RMDN2: variants seen among roughly 807,000 people sequenced by gnomAD.
RMDN2 encodes the protein regulator of microtubule dynamics protein 2.
Under a neutral mutation model 52.8 loss-of-function variants are expected in RMDN2, and 61 were observed. The ratio of observed to expected loss-of-function variants is 1.16; its 90% CI spans 0.94 to 1.43. The LOEUF is 1.43. Among genes scored for constraint, RMDN2 ranks in the 40% most tolerant of loss-of-function variants. The pLI, the probability that RMDN2 is intolerant of heterozygous loss-of-function variation, is 0.00. For synonymous variants in RMDN2, 180 were observed against 153.1 expected, an observed-to-expected ratio of 1.18 and a Z score of -1.30; for missense variants, 592 against 475.3, an observed-to-expected ratio of 1.25 and a Z score of -2.28.
chr2:38,016,768 G>GAAAA (rs1046841732), intron 10 of RMDN2, among the ~76,000 whole-genome samples: 1 of 151,554 alleles, frequency 6.6e-6, no homozygotes, highest in Non-Finnish European at 1.5e-5. Flanking sequence ...CCTTGATATG[G>GAAAA]AAAAAAAACT....
intron 10 of RMDN2, among the ~76,000 whole-genome samples, chr2:38,040,563 C>A (rs549751400): frequency 5.9e-5 from 9 of 152,312 alleles, no homozygotes; most frequent in East Asian, 5.8e-4. Context: ...GCCTCCAGAA[C>A]TGTAAACATA....
intron 1 of RMDN2, among the ~76,000 whole-genome samples, chr2:37,926,227 C>G (rs574272484): frequency 6.6e-6 from 1 of 152,184 alleles, no homozygotes; most frequent in East Asian, 1.9e-4. Context: ...TAATGAATAT[C>G]TGTGCTAGAT....
intron 2 of RMDN2, among the ~76,000 whole-genome samples, chr2:37,934,410 C>T (rs1667115855): frequency 6.6e-6 from 1 of 152,162 alleles, no homozygotes; most frequent in Admixed American, 6.5e-5. Context: ...GAACAATGCT[C>T]AAATTCTCAT....
intron 10 of RMDN2, among the ~76,000 whole-genome samples, chr2:38,009,989 T>C (rs930867481): frequency 3.3e-5 from 5 of 152,208 alleles, no homozygotes; most frequent in African/African-American, 1.2e-4. Flanking sequence ...CAGACCCTGT[T>C]TGCCTGGGTA....
intron 2 of RMDN2, among the ~76,000 whole-genome samples, chr2:37,936,279 T>G (rs1667280717): frequency 6.6e-6 from 1 of 152,246 alleles, no homozygotes; most frequent in Non-Finnish European, 1.5e-5. Context: ...GTGACACATT[T>G]TCTTTATCCA....
intron 10 of RMDN2, among the ~76,000 whole-genome samples, chr2:38,006,665 C>T (rs113611645): frequency 0.6 from 91,805 of 151,890 alleles, 29,866 homozygotes; most frequent in East Asian, 0.9. Context: ...GACAATTTGA[C>T]TTCCTCTTTT....
At chr2:38,052,284 G>C (rs1312673509) in intron 10 of RMDN2, among the ~76,000 whole-genome samples, 1 of 152,148 alleles carries the variant, frequency 6.6e-6, no homozygotes, top group African/African-American at 2.4e-5. Flanking sequence ...GTGATGTTGA[G>C]AATGTTTTCA....
intron 10 of RMDN2, chr2:38,036,868 G>A (rs1169153196): frequency 2.6e-5 from 4 of 152,238 alleles, no homozygotes; most frequent in Admixed American, 2.0e-4. Flanking sequence ...AAAGTAACTA[G>A]GCAAAAATCC....
chr2:38,041,283 G>A (rs1371891015), intron 10 of RMDN2, among the ~76,000 whole-genome samples: 1 of 152,024 alleles, frequency 6.6e-6, no homozygotes, highest in Non-Finnish European at 1.5e-5. Flanking sequence ...CTACTTCTTA[G>A]CATGTGTTCC....
At chr2:37,938,562 C>T (rs145252491) in intron 2 of RMDN2, among the ~76,000 whole-genome samples, 2 of 152,176 alleles carry the variant, frequency 1.3e-5, no homozygotes, top group Non-Finnish European at 2.9e-5. Flanking sequence ...AGTACTGCCT[C>T]AATTTCAGAA....
chr2:38,008,917 C>T (rs1469117010), intron 10 of RMDN2, among the ~76,000 whole-genome samples: 1 of 152,160 alleles, frequency 6.6e-6, no homozygotes, highest in Non-Finnish European at 1.5e-5. Flanking sequence ...CAAAATCTCT[C>T]AGCATTTGCT....
intron 2 of RMDN2, chr2:37,952,142 CTT>C: frequency 6.2e-7 from 1 of 1,613,120 alleles, no homozygotes; most frequent in Non-Finnish European, 8.5e-7. Flanking sequence ...AAGATGAAGA[CTT>C]TGCTGTCTTG....
intron 10 of RMDN2, among the ~76,000 whole-genome samples, chr2:38,053,349 T>C (rs931302021): frequency 6.6e-6 from 1 of 152,170 alleles, no homozygotes; most frequent in Non-Finnish European, 1.5e-5. Flanking sequence ...TGGTTAAAAC[T>C]TCCTGAGAAG....
chr2:38,031,682 A>G (rs60099854), intron 10 of RMDN2, among the ~76,000 whole-genome samples: 1 of 152,144 alleles, frequency 6.6e-6, no homozygotes, highest in Non-Finnish European at 1.5e-5. Context: ...AGTGACTATT[A>G]TCAACACCTG....
At position 37,966,341 on chromosome 2, in the gene RMDN2, C is replaced by G. The variant is rs141771693; in HGVS notation, c.453-7699C>G. On this transcript the variant is annotated intron_variant, in intron 2 of 10. Coordinates refer to ENST00000354545, the MANE Select transcript of RMDN2 (RefSeq NM_001170791.3). ...CTGAGGCAGGAGAATGGCATGAACC[C>G]AGGAGGCAGAACTTACAGTGAGCCG... Among the ~76,000 whole-genome samples the G allele has an allele frequency of 8.8e-3, 1,337 of 151,930 alleles. 23 individuals are homozygous for G. The highest frequency in any genetic ancestry group is 0.03 in the African/African-American group (1,253 of 41,420).
intron 5 of RMDN2, among the ~76,000 whole-genome samples, chr2:37,989,103 T>G (rs183388679): frequency 1.3e-5 from 2 of 152,274 alleles, no homozygotes; most frequent in East Asian, 3.9e-4. Context: ...AGGGAATGAA[T>G]TTTTTAAGTT....
intron 2 of RMDN2, among the ~76,000 whole-genome samples, chr2:37,956,813 C>A (rs184212369): frequency 3.0e-4 from 46 of 152,106 alleles, no homozygotes; most frequent in African/African-American, 8.9e-4. Context: ...CCTTGCTCCC[C>A]ACCCCCAACA....
At chr2:38,004,279 G>T in intron 10 of RMDN2, 63 bp downstream of exon 10, 1 of 1,069,488 alleles carries the variant, frequency 9.4e-7, no homozygotes. Flanking sequence ...CTCAAAACAG[G>T]AATAACTCGC....
chr2:37,968,411 C>G (rs577686924), intron 2 of RMDN2, among the ~76,000 whole-genome samples: 1 of 140,330 alleles, frequency 7.1e-6, no homozygotes, highest in South Asian at 2.3e-4. Flanking sequence ...TGCCCTCCAG[C>G]CTGGGTGACA....
Sources: gnomAD v4.1 joint callset for allele counts (sites outside exome capture counted in the v4.1 genomes callset) on GRCh38, gnomAD v4.1.1 for gene constraint, MANE v1.5 for transcripts, NCBI Gene and HGNC (gene_info 2026-07-23, HGNC 2026-07-21) for gene names.